Variants in ALG6 observed in about 807,000 individuals in gnomAD.
ALG6 encodes dolichyl pyrophosphate Man9GlcNAc2 alpha-1,3-glucosyltransferase.
In ALG6, 46 loss-of-function variants were observed where a neutral mutation model predicts 66.6. That is an observed-to-expected ratio of 0.69 (90% CI 0.55 to 0.88). The LOEUF is 0.88. Among genes scored for constraint, ALG6 ranks in the 40% least tolerant of loss-of-function variants. ALG6 has a pLI of 0.00. For synonymous variants in ALG6, 185 were observed against 203.7 expected, an observed-to-expected ratio of 0.91 and a Z score of 0.78; for missense variants, 505 against 586.8, an observed-to-expected ratio of 0.86 and a Z score of 1.44.
chr1:63,379,057 A>C (rs1356996088), intron 2 of ALG6, among the ~76,000 whole-genome samples: 1 of 152,004 alleles, frequency 6.6e-6, no homozygotes, highest in African/African-American at 2.4e-5. Context: ...CTTATCTAAA[A>C]ATTCTCGTAT....
chr1:63,406,056 CAA>C (rs1644488598), intron 5 of ALG6, among the ~76,000 whole-genome samples: 1 of 151,852 alleles, frequency 6.6e-6, no homozygotes, highest in South Asian at 2.1e-4. Context: ...CAAGTTAGAG[CAA>C]AGAGAGAATG....
chr1:63,371,259 T>C, intron 2 of ALG6, 200 bp downstream of exon 2: 1 of 566,700 alleles, frequency 1.8e-6, no homozygotes, highest in East Asian at 3.0e-5. Context: ...CGCTTTGTGA[T>C]GTGAGAAAGC....
intron 12 of ALG6, among the ~76,000 whole-genome samples, chr1:63,425,043 G>T (rs903062765): frequency 3.3e-5 from 5 of 152,158 alleles, no homozygotes; most frequent in Non-Finnish European, 7.3e-5. Context: ...GCCTCCCAAA[G>T]TGCTGGGATT....
At chr1:63,431,664 C>T (rs1378726033) in intron 14 of ALG6, among the ~76,000 whole-genome samples, 1 of 152,128 alleles carries the variant, frequency 6.6e-6, no homozygotes, top group Non-Finnish European at 1.5e-5. Context: ...GGATGTGTTT[C>T]CATTTATTTA....
intron 3 of ALG6, among the ~76,000 whole-genome samples, chr1:63,397,332 C>T (rs899330564): frequency 6.6e-6 from 1 of 151,992 alleles, no homozygotes; most frequent in South Asian, 2.1e-4. Flanking sequence ...ATTGCAGGTG[C>T]CTGTCACCAT....
intron 11 of ALG6, among the ~76,000 whole-genome samples, chr1:63,418,917 ACT>A (rs1273826569): frequency 1.3e-5 from 2 of 152,100 alleles, no homozygotes; most frequent in Admixed American, 1.3e-4. Flanking sequence ...TTTTTTTTAA[ACT>A]CTAAATAGCA....
Position 63,411,333 on chromosome 1 carries a change from T to A in ALG6, c.680+2T>A. The A allele has an allele frequency of 6.2e-7, 1 of 1,613,090 alleles. No individual in the cohort carries two copies. On this transcript the variant is annotated splice_donor_variant, in intron 8 of 14. Coordinates refer to ENST00000263440, the MANE Select transcript of ALG6 (RefSeq NM_013339.4). LOFTEE classifies it high-confidence loss of function. ...TAAAAAAGGCCTCAAAGGAAAGGGGTGAGTGACTTTTAAACACTAGAATCC... is the reference window on the plus strand; with the variant it reads ...TAAAAAAGGCCTCAAAGGAAAGGGGAGAGTGACTTTTAAACACTAGAATCC...
chr1:63,379,266 G>A (rs1648226531), intron 2 of ALG6, among the ~76,000 whole-genome samples: 1 of 152,074 alleles, frequency 6.6e-6, no homozygotes, highest in Non-Finnish European at 1.5e-5. Flanking sequence ...GGCACCTGGG[G>A]CACTATTAAC....
In ALG6 at chr1:63,434,000, GA is replaced by G. The variant is rs2100445391; in HGVS notation, c.1327-2818del. On this transcript the variant is annotated intron_variant, in intron 14 of 14. Transcript: ENST00000263440. This position sits in a 1 kb window ranked among gnomAD's most constrained non-coding sequence, Gnocchi z 4.2. Reference sequence around the variant, plus strand: ...ATTGAGGGTAGAACATCCTAGAAGAGAAAAACTGCAAATGCAGTGAACATCA... The same window carrying G: ...ATTGAGGGTAGAACATCCTAGAAGAGAAAACTGCAAATGCAGTGAACATCA... 6.6e-6 allele frequency among the ~76,000 whole-genome samples: 1 copy of G among 152,330 alleles called. No individual in the cohort carries two copies. Among genetic ancestry groups the G allele is most frequent in the East Asian group, 1.9e-4 (1 of 5,184 alleles).
chr1:63,394,585 G>T (rs1648763529), intron 2 of ALG6, among the ~76,000 whole-genome samples: 1 of 152,094 alleles, frequency 6.6e-6, no homozygotes, highest in African/African-American at 2.4e-5. Context: ...TGGCCAGATG[G>T]TCTCGATCTC....
chr1:63,410,564 A>G (rs1644511066), intron 7 of ALG6, among the ~76,000 whole-genome samples: 2 of 152,146 alleles, frequency 1.3e-5, no homozygotes, highest in African/African-American at 4.8e-5. Context: ...CTGAATTTAT[A>G]CTATTAAATT....
chr1:63,385,143 A>T (rs1320044534), intron 2 of ALG6, among the ~76,000 whole-genome samples: 1 of 138,884 alleles, frequency 7.2e-6, no homozygotes, highest in African/African-American at 2.7e-5. Flanking sequence ...AATTTCTTTC[A>T]TCAGTGTTCT....
intron 7 of ALG6, among the ~76,000 whole-genome samples, chr1:63,408,666 C>G (rs1644501865): frequency 6.6e-6 from 1 of 152,206 alleles, no homozygotes; most frequent in Admixed American, 6.5e-5. Flanking sequence ...TCTTGACCAA[C>G]TGTCAATGGT....
chr1:63,419,223 C>A, intron 11 of ALG6, 147 bp from the exon 12 acceptor site: 1 of 661,094 alleles, frequency 1.5e-6, no homozygotes. Flanking sequence ...AATATGCATA[C>A]TAGTGTTGTT....
At chr1:63,371,142 G>T in intron 2 of ALG6, 83 bp downstream of exon 2, 2 of 909,520 alleles carry the variant, frequency 2.2e-6, no homozygotes, top group South Asian at 2.6e-5. Flanking sequence ...ACCATTTTCT[G>T]ACCAGTACAG....
chr1:63,384,641 A>G, intron 2 of ALG6, among the ~76,000 whole-genome samples: 1 of 152,122 alleles, frequency 6.6e-6, no homozygotes, highest in Admixed American at 6.6e-5. Flanking sequence ...TTAAGTCTTT[A>G]ATCCATTTTG....
At chr1:63,373,029 CAG>C (rs1647985957) in intron 2 of ALG6, among the ~76,000 whole-genome samples, 1 of 151,078 alleles carries the variant, frequency 6.6e-6, no homozygotes, top group Admixed American at 6.6e-5. Flanking sequence ...TTTTTGGAGA[CAG>C]GGTTTCACTT....
chr1:63,437,794 C>T lies in ALG6; in HGVS notation c.*774C>T, dbSNP rs1232655627. The T allele has an allele frequency of 1.4e-5, 2 of 147,008 alleles. No individual in the cohort carries two copies. The highest frequency in any genetic ancestry group is 4.0e-4 in the East Asian group (2 of 5,032). The allele number at this position is 147,008 out of a possible 1,614,324, so 9.1% of individuals were successfully genotyped here. A position where few individuals can be genotyped will look rare whatever the true frequency, so the allele number is the denominator to read the frequency against. The stretch of plus-strand genomic sequence containing the variant: ...CTGGTTCTAAACTTCCAGAACCATT[C>T]TGTTTAATTAAACATTATATTATAT... On this transcript the variant is annotated 3_prime_UTR_variant, in exon 15 of 15. Coordinates refer to ENST00000263440, the MANE Select transcript of ALG6 (RefSeq NM_013339.4).
At chr1:63,382,665 GTTTTT>G (rs59236936) in intron 2 of ALG6, among the ~76,000 whole-genome samples, 5 of 93,588 alleles carry the variant, frequency 5.3e-5, no homozygotes, top group Middle Eastern at 6.3e-3. Flanking sequence ...GTTTTTTTTT[GTTTTT>G]TTTTTTTTGT....
Sources: allele counts gnomAD v4.1 joint callset (sites outside exome capture counted in the v4.1 genomes callset), GRCh38; gene constraint gnomAD v4.1.1; non-coding constraint Gnocchi (gnomAD v3.1); transcripts MANE v1.5; gene names NCBI Gene and HGNC (gene_info 2026-07-23, HGNC 2026-07-21).